KAZN: variants seen among roughly 807,000 people sequenced by gnomAD.
KAZN encodes kazrin.
KAZN carries 40 observed loss-of-function variants against 87.4 expected under a neutral mutation model. The ratio of observed to expected loss-of-function variants is 0.46; its 90% confidence interval spans 0.36 to 0.60. The LOEUF (loss-of-function observed/expected upper bound fraction) is 0.60, where lower values mean the gene tolerates loss of function less well. Among genes scored for constraint, KAZN ranks in the 20% least tolerant of loss-of-function variants. The pLI is 0.00. For missense variants in KAZN, 898 were observed against 1,073.9 expected, an observed-to-expected ratio of 0.84 and a Z score of 2.29; for synonymous variants, 466 against 458.3, an observed-to-expected ratio of 1.02 and a Z score of -0.22.
intron 1 of KAZN, among the ~76,000 whole-genome samples, chr1:14,736,508 A>T (rs1211688892): frequency 7.8e-6 from 1 of 128,494 alleles, no homozygotes; most frequent in African/African-American, 3.0e-5. Context: ...ACAAGGTTTC[A>T]TCGTGTTGGT....
rs367684633 is a variant in KAZN, at chr1:14,193,129, G to A, written c.249+12537G>A. Among the ~76,000 whole-genome samples, 31 of 152,206 alleles carry A rather than the reference G, an allele frequency of 2.0e-4. 1 individual carries two copies. The East Asian group carries it at 2.3e-3, about 11-fold the overall frequency. ...TCCCCCTGTACTTCTCCTTCCTGCC[G>A]CCTTGTGAAGAAGGTGCCTTGCTTC... is the stretch of plus-strand genomic sequence containing the variant. On this transcript the variant is annotated intron_variant, in intron 2 of 16. Coordinates refer to the KAZN transcript ENST00000636203.
At chr1:15,042,505 T>C (rs1442943995) in intron 3 of KAZN, among the ~76,000 whole-genome samples, 1 of 152,130 alleles carries the variant, frequency 6.6e-6, no homozygotes, top group Non-Finnish European at 1.5e-5. Context: ...GGCGAGCAGG[T>C]GCCTGCTGGG....
intron 1 of KAZN, among the ~76,000 whole-genome samples, chr1:14,142,108 CTTTT>C (rs35138469): frequency 2.3e-5 from 3 of 128,950 alleles, no homozygotes; most frequent in Admixed American, 8.1e-5. Flanking sequence ...CCCTCCTTCC[CTTTT>C]TTTTTTTTTT....
chr1:14,801,919 C>T (rs1309402657), intron 1 of KAZN, among the ~76,000 whole-genome samples: 2 of 152,000 alleles, frequency 1.3e-5, no homozygotes, highest in Non-Finnish European at 2.9e-5. Flanking sequence ...CTCCTGACCT[C>T]GTAATCCGCC....
Position 14,128,431 on chromosome 1 carries a change from G to A in KAZN, c.92-52004G>A, listed in dbSNP as rs972750806. ...CAACATTTATTTTCTCTGGGTTCTG[G>A]AGGCTGGAAGTCCAAGATCAAGACA... On this transcript the variant is annotated intron_variant, in intron 1 of 16. Coordinates refer to the KAZN transcript ENST00000636203. 1.4e-4 allele frequency among the ~76,000 whole-genome samples: 21 copies of A among 152,270 alleles called. 1 individual carries two copies. The highest frequency in any genetic ancestry group is 1.2e-3 in the Admixed American group (18 of 15,302).
intron 2 of KAZN, among the ~76,000 whole-genome samples, chr1:14,306,842 A>C (rs112115395): frequency 0.019 from 2,923 of 152,306 alleles, 99 homozygotes; most frequent in African/African-American, 0.067. Flanking sequence ...ACGCCTTCAC[A>C]ATCAAAGTTC....
At chr1:14,325,281 G>A (rs1235517806) in intron 2 of KAZN, among the ~76,000 whole-genome samples, 21 of 152,160 alleles carry the variant, frequency 1.4e-4, no homozygotes. Context: ...CTGAAGCAGA[G>A]TAGAGTTGCA....
At chr1:14,400,449 A>G (rs1418747166) in intron 2 of KAZN, among the ~76,000 whole-genome samples, 1 of 152,208 alleles carries the variant, frequency 6.6e-6, no homozygotes, top group East Asian at 1.9e-4. Flanking sequence ...CAGCACATTC[A>G]TTGTGCAGAT....
intron 1 of KAZN, among the ~76,000 whole-genome samples, chr1:14,090,122 G>A (rs1396466419): frequency 6.6e-6 from 1 of 151,602 alleles, no homozygotes; most frequent in Non-Finnish European, 1.5e-5. Flanking sequence ...TCTTTTGCTT[G>A]GGGTTTATTG....
intron 1 of KAZN, among the ~76,000 whole-genome samples, chr1:14,754,304 C>T (rs1212427347): frequency 2.6e-5 from 4 of 152,174 alleles, no homozygotes. Flanking sequence ...TAAAACACAG[C>T]CTTTAAACTT....
At chr1:14,277,454 A>C (rs928391025) in intron 2 of KAZN, among the ~76,000 whole-genome samples, 1 of 152,118 alleles carries the variant, frequency 6.6e-6, no homozygotes, top group Non-Finnish European at 1.5e-5. Context: ...TCATGAGGTC[A>C]AGAGATTGAG....
intron 2 of KAZN, among the ~76,000 whole-genome samples, chr1:15,027,457 T>C (rs1671292041): frequency 6.6e-6 from 1 of 152,194 alleles, no homozygotes; most frequent in Non-Finnish European, 1.5e-5. Context: ...CATTGGGCAT[T>C]CTTGCCTCGT....
At position 15,101,636 on chromosome 1, in the gene KAZN, C is replaced by G. The variant is rs41269421; in HGVS notation, c.1641C>G (p.Asn547Lys). 6.4e-7 allele frequency: 1 copy of G among 1,568,062 alleles called. No homozygotes were observed. The highest frequency in any genetic ancestry group is 8.7e-7 in the Non-Finnish European group (1 of 1,155,820). ...CCCAGTACTCCCAGGCCTTTCAGAA[C>G]CACCTGGTTGATGGGCGGATGCTGA... The part of the protein sequence containing the change: ...GLSQYSQAFQ[N>K]HLVDGRMLNS... Residue 547 changes from asparagine (N) to lysine (K), a missense_variant, in exon 11 of 15, where the codon AAC becomes AAG. Coordinates refer to ENST00000376030, the MANE Select transcript of KAZN (RefSeq NM_201628.3).
chr1:14,097,347 G>A (rs557093334), intron 1 of KAZN, among the ~76,000 whole-genome samples: 4 of 152,288 alleles, frequency 2.6e-5, no homozygotes, highest in South Asian at 4.1e-4. Flanking sequence ...GTAGCCTAAA[G>A]CATATGTCAC....
intron 1 of KAZN, among the ~76,000 whole-genome samples, chr1:14,833,544 G>T (rs546874588): frequency 5.3e-5 from 8 of 152,306 alleles, no homozygotes; most frequent in African/African-American, 1.9e-4. Flanking sequence ...CCGCCAAGGG[G>T]CAGGGAAAGT....
rs937881130 is a variant in KAZN, at chr1:14,854,764, G to A, written c.227-105920G>A. 8.6e-4 allele frequency among the ~76,000 whole-genome samples: 131 copies of A among 152,178 alleles called. No homozygotes were observed. In the Middle Eastern group the frequency reaches 0.01, roughly 12 times the overall value. On this transcript the variant is annotated intron_variant, in intron 1 of 14. Transcript: ENST00000376030. The stretch of plus-strand genomic sequence containing the variant: ...CACTGGGGATCGAATTTCCACATGA[G>A]TTTGGATGGGGACAAACCACATCCA...
chr1:14,915,791 G>T (rs1459413152), intron 1 of KAZN, among the ~76,000 whole-genome samples: 1 of 152,128 alleles, frequency 6.6e-6, no homozygotes, highest in African/African-American at 2.4e-5. Context: ...TTCTCATCTG[G>T]AACCTGGGGA....
At chr1:14,068,661 G>A (rs907124147) in intron 1 of KAZN, among the ~76,000 whole-genome samples, 1 of 152,124 alleles carries the variant, frequency 6.6e-6, no homozygotes, top group African/African-American at 2.4e-5. Context: ...GGCCCTTCAG[G>A]GGCTTTCATT....
At chr1:14,577,328 G>A (rs1251589522) in intron 2 of KAZN, among the ~76,000 whole-genome samples, 6 of 152,180 alleles carry the variant, frequency 3.9e-5, no homozygotes, top group African/African-American at 1.4e-4. Context: ...TTAAATACAA[G>A]CTATCTACGG....
Sources: allele counts gnomAD v4.1 joint callset (sites outside exome capture counted in the v4.1 genomes callset), GRCh38; gene constraint gnomAD v4.1.1; transcripts MANE v1.5; gene names NCBI Gene and HGNC (gene_info 2026-07-23, HGNC 2026-07-21).